GSTCD: variants seen among roughly 807,000 people sequenced by gnomAD.
The protein encoded by GSTCD is glutathione S-transferase C-terminal domain-containing protein.
GSTCD carries 44 observed loss-of-function variants against 68.3 expected under a neutral mutation model. The observed-to-expected ratio is 0.64, with a 90% confidence interval of 0.51 to 0.83. GSTCD has a LOEUF of 0.83. Among genes scored for constraint, GSTCD ranks in the 40% least tolerant of loss-of-function variants. The pLI, the probability that GSTCD is intolerant of heterozygous loss-of-function variation, is 0.00. For missense variants in GSTCD, 739 were observed against 735.9 expected, an observed-to-expected ratio of 1.00 and a Z score of -0.05; for synonymous variants, 273 against 255.2, an observed-to-expected ratio of 1.07 and a Z score of -0.67.
At position 105,710,232 on chromosome 4, in the gene GSTCD, A is replaced by ATTTTTTTTTTTTTTTTTTTTTTTTTTTTT. The variant is rs761574598; in HGVS notation, c.-22+1239_-22+1240insTTTTTTTTTTTTTTTTTTTTTTTTTTTTT. The stretch of plus-strand genomic sequence containing the variant: ...AGCTTCTGTAGTAGTGGGCCCATCA[A>ATTTTTTTTTTTTTTTTTTTTTTTTTTTTT]TTTTTTTTTTTTTTTTTTTTTTTGA... On this transcript the variant is annotated intron_variant, in intron 1 of 11. Transcript: ENST00000515279. 7.0e-5 allele frequency among the ~76,000 whole-genome samples: 6 copies of ATTTTTTTTTTTTTTTTTTTTTTTTTTTTT among 85,722 alleles called. 1 individual carries two copies. The highest frequency in any genetic ancestry group is 9.9e-5 in the Non-Finnish European group (5 of 50,302). The allele number at this position is 85,722 out of a possible 152,430, so 56.2% of individuals were successfully genotyped here. A position where few individuals can be genotyped will look rare whatever the true frequency, so the allele number is the denominator to read the frequency against.
At chr4:105,767,347 A>C (rs1468109332) in intron 5 of GSTCD, among the ~76,000 whole-genome samples, 1 of 152,168 alleles carries the variant, frequency 6.6e-6, no homozygotes, top group Non-Finnish European at 1.5e-5. Context: ...TTTAGGTCAA[A>C]CATAAAATAT....
chr4:105,779,832 C>T (rs1442422840), intron 5 of GSTCD, among the ~76,000 whole-genome samples: 1 of 152,196 alleles, frequency 6.6e-6, no homozygotes, highest in East Asian at 1.9e-4. Flanking sequence ...CCTATTAATG[C>T]TCACTTAGTA....
At chr4:105,730,586 C>A (rs936385630) in intron 5 of GSTCD, among the ~76,000 whole-genome samples, 2 of 151,744 alleles carry the variant, frequency 1.3e-5, no homozygotes, top group Non-Finnish European at 2.9e-5. Context: ...TTTTGATGGG[C>A]TTGTTTGTTT....
chr4:105,785,151 A>G (rs938178297), intron 5 of GSTCD, among the ~76,000 whole-genome samples: 8 of 152,214 alleles, frequency 5.3e-5, no homozygotes, highest in African/African-American at 1.9e-4. Flanking sequence ...TAGTCTTCTC[A>G]TGTTGAACAG....
intron 5 of GSTCD, among the ~76,000 whole-genome samples, chr4:105,786,140 T>C (rs72673811): frequency 0.054 from 8,172 of 152,292 alleles, 252 homozygotes; most frequent in Middle Eastern, 0.14. Context: ...TACTGGATTA[T>C]ACAAAGCCTT....
intron 5 of GSTCD, among the ~76,000 whole-genome samples, chr4:105,731,163 G>C (rs1376498320): frequency 2.0e-5 from 3 of 152,182 alleles, no homozygotes; most frequent in African/African-American, 7.2e-5. Flanking sequence ...GTCAGGTAGT[G>C]TGATGTCTCC....
At chr4:105,776,548 T>G (rs530625735) in intron 5 of GSTCD, among the ~76,000 whole-genome samples, 2 of 152,266 alleles carry the variant, frequency 1.3e-5, no homozygotes, top group South Asian at 4.1e-4. Context: ...AGTGCACCTT[T>G]CCTCACGGCA....
chr4:105,819,144 A>G (rs1439295475), intron 5 of GSTCD, among the ~76,000 whole-genome samples: 2 of 151,794 alleles, frequency 1.3e-5, no homozygotes, highest in East Asian at 1.9e-4. Flanking sequence ...GTCATTTCCT[A>G]TCTGGCACTG....
At chr4:105,714,025 A>G (rs929396379) in intron 1 of GSTCD, among the ~76,000 whole-genome samples, 2 of 131,154 alleles carry the variant, frequency 1.5e-5, no homozygotes, top group African/African-American at 5.4e-5. Context: ...AATGAAAGTG[A>G]AAAAAAAAAA....
At chr4:105,797,087 T>C (rs1735921654) in intron 5 of GSTCD, among the ~76,000 whole-genome samples, 1 of 151,900 alleles carries the variant, frequency 6.6e-6, no homozygotes, top group African/African-American at 2.4e-5. Flanking sequence ...TGTATGTGTG[T>C]GTGTGTGCGT....
intron 5 of GSTCD, chr4:105,761,864 C>A (rs1389243526): frequency 6.6e-6 from 1 of 152,196 alleles, no homozygotes; most frequent in African/African-American, 2.4e-5. Context: ...TCAATAAAAT[C>A]TGCTTGAATT....
intron 4 of GSTCD, among the ~76,000 whole-genome samples, chr4:105,727,506 C>T (rs1243888561): frequency 1.5e-5 from 2 of 134,156 alleles, no homozygotes; most frequent in South Asian, 4.8e-4. Flanking sequence ...GCTTGGGCAA[C>T]AAAGTGAGAC....
intron 1 of GSTCD, among the ~76,000 whole-genome samples, chr4:105,710,225 C>T (rs1038299959): frequency 7.3e-6 from 1 of 136,442 alleles, no homozygotes; most frequent in Admixed American, 8.2e-5. Flanking sequence ...TAGTAGTGGG[C>T]CCATCAATTT....
At chr4:105,814,986 C>T (rs1722915416) in intron 5 of GSTCD, among the ~76,000 whole-genome samples, 1 of 152,164 alleles carries the variant, frequency 6.6e-6, no homozygotes, top group South Asian at 2.1e-4. Flanking sequence ...GTTTAATAAC[C>T]ATTCTCTATT....
intron 5 of GSTCD, among the ~76,000 whole-genome samples, chr4:105,769,136 C>CA (rs754689757): frequency 1.7e-4 from 26 of 151,634 alleles, no homozygotes; most frequent in Non-Finnish European, 2.9e-4. Flanking sequence ...ACTAATAATC[C>CA]ACTTACAAAT....
At position 105,732,459 on chromosome 4, in the gene GSTCD, A is replaced by G. The variant is rs866262718; in HGVS notation, c.1240+2960A>G. Reference sequence around the variant, plus strand: ...CCAGTAATTTGTCCATTTCTTCTAGATTTTCTAGTTTATTTGCATAGAGGT... The same window carrying G: ...CCAGTAATTTGTCCATTTCTTCTAGGTTTTCTAGTTTATTTGCATAGAGGT... On this transcript the variant is annotated intron_variant, in intron 5 of 11. Coordinates refer to ENST00000515279, the MANE Select transcript of GSTCD (RefSeq NM_001370181.1). Among the ~76,000 whole-genome samples the G allele has an allele frequency of 1.3e-4, 19 of 151,922 alleles. No individual in the cohort carries two copies. The Middle Eastern group carries it at 0.017, about 136-fold the overall frequency.
intron 5 of GSTCD, among the ~76,000 whole-genome samples, chr4:105,749,017 C>T (rs928199241): frequency 6.6e-6 from 1 of 151,436 alleles, no homozygotes; most frequent in Admixed American, 6.6e-5. Flanking sequence ...TTAATGAAAA[C>T]CATAACTAAT....
At chr4:105,735,063 G>A (rs760550512) in intron 5 of GSTCD, among the ~76,000 whole-genome samples, 12 of 152,254 alleles carry the variant, frequency 7.9e-5, no homozygotes, top group Non-Finnish European at 1.5e-4. Context: ...AGGGGTACCC[G>A]GCCGTGTTAG....
chr4:105,743,190 T>G (rs578024049), intron 5 of GSTCD, among the ~76,000 whole-genome samples: 4 of 152,200 alleles, frequency 2.6e-5, no homozygotes, highest in Non-Finnish European at 4.4e-5. Context: ...GACCTCATGA[T>G]CTGCCCCCCT....
Sources: gnomAD v4.1 joint callset for allele counts (sites outside exome capture counted in the v4.1 genomes callset) on GRCh38, gnomAD v4.1.1 for gene constraint, MANE v1.5 for transcripts, NCBI Gene and HGNC (gene_info 2026-07-23, HGNC 2026-07-21) for gene names.